Variants in CDS1 observed in about 807,000 individuals in gnomAD.
CDS1 encodes the protein phosphatidate cytidylyltransferase 1.
In CDS1, 41 loss-of-function variants were observed where a neutral mutation model predicts 62.1. The observed-to-expected ratio is 0.66, with a 90% CI of 0.51 to 0.86. CDS1 has a LOEUF of 0.86. Among genes scored for constraint, CDS1 ranks in the 40% least tolerant of loss-of-function variants. The pLI, the probability that CDS1 is intolerant of heterozygous loss-of-function variation, is 0.00. For missense variants in CDS1, 470 were observed against 550.1 expected (o/e 0.85, Z 1.46); for synonymous variants, 185 against 192.6 (o/e 0.96, Z 0.32).
At chr4:84,593,243 A>G (rs767199007) in intron 1 of CDS1, among the ~76,000 whole-genome samples, 9 of 152,158 alleles carry the variant, frequency 5.9e-5, no homozygotes, top group Non-Finnish European at 1.3e-4. Context: ...TTTAATAAAT[A>G]TGAGGTTGGT....
At chr4:84,625,997 A>T (rs1266965497) in intron 5 of CDS1, among the ~76,000 whole-genome samples, 2 of 151,896 alleles carry the variant, frequency 1.3e-5, no homozygotes, top group East Asian at 3.9e-4. Context: ...GAGAAACCCC[A>T]TCTCTACTAA....
intron 10 of CDS1, among the ~76,000 whole-genome samples, chr4:84,642,660 T>TATATAATTAC (rs1315344702): frequency 6.6e-6 from 1 of 152,160 alleles, no homozygotes; most frequent in Non-Finnish European, 1.5e-5. Flanking sequence ...AATATTAAAT[T>TATATAATTAC]ATATAATTAC....
At chr4:84,644,205 A>T (rs1253211746) in intron 11 of CDS1, among the ~76,000 whole-genome samples, 1 of 152,182 alleles carries the variant, frequency 6.6e-6, no homozygotes, top group East Asian at 1.9e-4. Flanking sequence ...ACAAAAATAT[A>T]CAAGATGTTG....
chr4:84,585,746 T>C (rs1227251098), intron 1 of CDS1, among the ~76,000 whole-genome samples: 1 of 152,234 alleles, frequency 6.6e-6, no homozygotes, highest in East Asian at 1.9e-4. Flanking sequence ...GAGAAGGCTC[T>C]GTACTCCAGA....
At position 84,609,472 on chromosome 4, in the gene CDS1, A is replaced by G; in HGVS notation, c.289A>G (p.Ile97Val). ...WIRGILTLTM[I>V]SLFFLIIYMG... ...ACGTGGAATTCTCACTCTAACTATG[A>G]TCTCGTTGTTTTTCCTGATCATCTA... Residue 97 changes from isoleucine to valine, a missense_variant, in exon 3 of 13, where the codon ATC becomes GTC. Physicochemically the swap from Ile to Val is conservative, Grantham distance 29. Around this residue, in one of 5 missense-constraint regions of CDS1, gnomAD observed 150 missense variants for 142.0 expected, o/e 1.06. Transcript: ENST00000295887. The G allele has an allele frequency of 6.2e-7, 1 of 1,611,974 alleles. No homozygotes were observed. The highest frequency in any genetic ancestry group is 8.5e-7 in the Non-Finnish European group (1 of 1,178,302).
intron 5 of CDS1, among the ~76,000 whole-genome samples, chr4:84,629,940 T>G (rs1053389046): frequency 6.6e-6 from 1 of 152,166 alleles, no homozygotes; most frequent in Admixed American, 6.5e-5. Context: ...TAATTCATAG[T>G]TAATGATATT....
intron 1 of CDS1, among the ~76,000 whole-genome samples, chr4:84,601,172 C>CAAAAA (rs59688950): frequency 3.4e-5 from 3 of 88,254 alleles, no homozygotes; most frequent in African/African-American, 4.4e-5. Flanking sequence ...GACCCTGTCT[C>CAAAAA]AAAAAAAAAA....
intron 1 of CDS1, among the ~76,000 whole-genome samples, chr4:84,589,320 A>G (rs181227485): frequency 1.3e-5 from 2 of 152,354 alleles, no homozygotes; most frequent in East Asian, 1.9e-4. Flanking sequence ...CCGAGATTCA[A>G]CACTGCATTT....
Position 84,651,301 on chromosome 4 carries a change from CTG to C in CDS1, c.*2616_*2617del. On this transcript the variant is annotated 3_prime_UTR_variant, in exon 13 of 13. Transcript: ENST00000295887. The stretch of plus-strand genomic sequence containing the variant: ...CAGTTCTCTGAATCTTTTACTGAAA[CTG>C]AGACAGGAAAATAAAACTGAAACAA... 1 of 152,142 alleles carries C rather than the reference CTG, an allele frequency of 6.6e-6. No individual in the cohort carries two copies. The highest frequency in any genetic ancestry group is 1.9e-4 in the East Asian group (1 of 5,176). The allele number at this position is 152,142 out of a possible 1,614,324, so 9.4% of individuals were successfully genotyped here. A position where few individuals can be genotyped will look rare whatever the true frequency, so the allele number is the denominator to read the frequency against.
At chr4:84,585,652 C>T (rs568456911) in intron 1 of CDS1, among the ~76,000 whole-genome samples, 1 of 152,108 alleles carries the variant, frequency 6.6e-6, no homozygotes, top group Non-Finnish European at 1.5e-5. Flanking sequence ...TAATACACTC[C>T]CATGCATTGC....
rs1724710141 is a variant in CDS1, at chr4:84,650,813, T to A, written c.*2127T>A. The A allele has an allele frequency of 6.6e-6, 1 of 152,344 alleles. No homozygotes were observed. Among genetic ancestry groups the A allele is most frequent in the Non-Finnish European group, 1.5e-5 (1 of 68,032 alleles). The allele number at this position is 152,344 out of a possible 1,614,324, so 9.4% of individuals were successfully genotyped here. Reference sequence around the variant, plus strand: ...TTAATGGAGCTCTCGATTGACCTTTTTAGCATACTTTTATAGCATGTATAT... The same window carrying A: ...TTAATGGAGCTCTCGATTGACCTTTATAGCATACTTTTATAGCATGTATAT... On this transcript the variant is annotated 3_prime_UTR_variant, in exon 13 of 13. Coordinates refer to ENST00000295887, the MANE Select transcript of CDS1 (RefSeq NM_001263.4).
At chr4:84,635,374 A>C (rs1724151884) in intron 8 of CDS1, 23 bp downstream of exon 8, 2 of 1,089,944 alleles carry the variant, frequency 1.8e-6, no homozygotes, top group Non-Finnish European at 2.8e-6. Flanking sequence ...TTTTATAAGC[A>C]AGCCACTATG....
chr4:84,615,185 T>G (rs1723449958), intron 3 of CDS1, among the ~76,000 whole-genome samples: 1 of 152,072 alleles, frequency 6.6e-6, no homozygotes, highest in Non-Finnish European at 1.5e-5. Context: ...TGTGTTCCCT[T>G]TTCTCCCTTA....
chr4:84,646,208 A>G (rs1346347254), intron 12 of CDS1, among the ~76,000 whole-genome samples: 1 of 152,198 alleles, frequency 6.6e-6, no homozygotes, highest in African/African-American at 2.4e-5. Context: ...GAGAATTTTT[A>G]TATTAACTAT....
intron 2 of CDS1, among the ~76,000 whole-genome samples, chr4:84,607,765 C>T (rs1016280515): frequency 6.6e-6 from 1 of 151,838 alleles, no homozygotes; most frequent in Admixed American, 6.6e-5. Flanking sequence ...AGGACTTGTG[C>T]TTAGAATACA....
chr4:84,598,887 T>C (rs748713372), intron 1 of CDS1, among the ~76,000 whole-genome samples: 1 of 152,214 alleles, frequency 6.6e-6, no homozygotes, highest in African/African-American at 2.4e-5. Context: ...CTATATCCTT[T>C]GTTCCCTGAG....
intron 10 of CDS1, among the ~76,000 whole-genome samples, chr4:84,641,612 A>G (rs1358985544): frequency 6.6e-6 from 1 of 152,214 alleles, no homozygotes; most frequent in East Asian, 1.9e-4. Flanking sequence ...TTTAGAGGAC[A>G]TTTATTATGG....
chr4:84,621,995 T>A (rs964369157), intron 5 of CDS1, among the ~76,000 whole-genome samples: 2 of 152,320 alleles, frequency 1.3e-5, no homozygotes, highest in African/African-American at 2.4e-5. Context: ...TCTGATTCTG[T>A]GTTTATCAAA....
chr4:84,604,139 T>C (rs1723019262), intron 1 of CDS1, 104 bp from the exon 2 acceptor site: 4 of 925,056 alleles, frequency 4.3e-6, no homozygotes, highest in African/African-American at 1.7e-5. Flanking sequence ...TTGTTTCAGA[T>C]TATGTCACTG....
Sources: allele counts gnomAD v4.1 joint callset (sites outside exome capture counted in the v4.1 genomes callset), GRCh38; gene constraint gnomAD v4.1.1; regional missense constraint gnomAD v4.1.1; transcripts MANE v1.5; gene names NCBI Gene and HGNC (gene_info 2026-07-23, HGNC 2026-07-21).